Variants in MARS1 observed in about 807,000 individuals in gnomAD.
The protein encoded by MARS1 is methionyl-tRNA synthetase 1.
MARS1 carries 80 observed loss-of-function variants against 119.5 expected under a neutral mutation model. That is an observed-to-expected ratio of 0.67 (90% CI 0.56 to 0.81). The LOEUF (loss-of-function observed/expected upper bound fraction) is 0.81, where lower values mean the gene tolerates loss of function less well. Ranked by LOEUF, MARS1 falls within the 30% of genes least tolerant of loss-of-function variation. The pLI is 0.00. For missense variants in MARS1, 945 were observed against 1,116.5 expected, an observed-to-expected ratio of 0.85 and a Z score of 2.19; for synonymous variants, 418 against 433.4, an observed-to-expected ratio of 0.96 and a Z score of 0.44.
chr12:57,500,896 G>T (rs543578668), intron 10 of MARS1, among the ~76,000 whole-genome samples: 1 of 152,006 alleles, frequency 6.6e-6, no homozygotes, highest in South Asian at 2.1e-4. Context: ...CTTAGAATAG[G>T]CCAATTACAA....
intron 7 of MARS1, among the ~76,000 whole-genome samples, chr12:57,493,595 A>ATATATT (rs1876251706): frequency 4.3e-5 from 1 of 23,090 alleles, no homozygotes; most frequent in Non-Finnish European, 5.9e-5. Flanking sequence ...AATATATTAT[A>ATATATT]ATATATAATA....
intron 7 of MARS1, among the ~76,000 whole-genome samples, chr12:57,493,451 A>T (rs59072876): frequency 1.1e-3 from 1 of 878 alleles, no homozygotes; most frequent in African/African-American, 1.5e-3. Flanking sequence ...CATAATATAT[A>T]ATATATTATA....
intron 7 of MARS1, among the ~76,000 whole-genome samples, chr12:57,492,669 TCACACA>T (rs58931225): frequency 0.018 from 2,541 of 139,470 alleles, 31 homozygotes; most frequent in African/African-American, 0.031. Context: ...CGACTCCATT[TCACACA>T]CACACACACA....
intron 11 of MARS1, 141 bp from the exon 12 acceptor site, chr12:57,511,557 T>G: frequency 2.6e-6 from 2 of 777,878 alleles, no homozygotes; most frequent in Non-Finnish European, 4.2e-6. Context: ...CACTCTAGTC[T>G]GGGCAACAGA....
rs1876407314 is a variant in MARS1, at chr12:57,493,872, ATATATAATATATAATATATATTTATGT to A, written c.770+3242_770+3268del. ...AATATATATATTTATATTATATAAT[ATATATAATATATAATATATATTTATGT>A]TATATAATATATATAATATATATAA... On this transcript the variant is annotated intron_variant, in intron 7 of 20. Coordinates refer to ENST00000262027, the MANE Select transcript of MARS1 (RefSeq NM_004990.4). 5.8e-4 allele frequency among the ~76,000 whole-genome samples: 3 copies of A among 5,172 alleles called. No homozygotes were observed. In the Non-Finnish European group the frequency reaches 0.027, roughly 47 times the overall value. 3.4% of individuals were successfully genotyped at this position (5,172 alleles called of 152,430 possible).
At chr12:57,493,561 AATATATTATAAT>A (rs1565640468) in intron 7 of MARS1, among the ~76,000 whole-genome samples, 20 of 1,878 alleles carry the variant, frequency 0.011, 3 homozygotes, top group Admixed American at 0.036. Context: ...TATAATATAT[AATATATTATAAT>A]ATATAATATA....
intron 1 of MARS1, chr12:57,488,674 A>G (rs1419657508): frequency 3.2e-6 from 5 of 1,546,956 alleles, no homozygotes; most frequent in African/African-American, 1.4e-5. Context: ...AAGTCTTCTC[A>G]GTTCTTTTAA....
intron 7 of MARS1, among the ~76,000 whole-genome samples, chr12:57,494,058 T>C (rs1876446946): frequency 7.0e-6 from 1 of 143,872 alleles, no homozygotes; most frequent in African/African-American, 2.6e-5. Context: ...CAGGTTCAAG[T>C]GATTCTCCTG....
intron 7 of MARS1, among the ~76,000 whole-genome samples, chr12:57,492,060 A>C (rs1339064531): frequency 6.7e-6 from 1 of 149,458 alleles, no homozygotes; most frequent in African/African-American, 2.5e-5. Flanking sequence ...TGGGTGGATC[A>C]TTTGAGTCAG....
At chr12:57,492,027 C>T (rs1052186916) in intron 7 of MARS1, among the ~76,000 whole-genome samples, 1 of 152,050 alleles carries the variant, frequency 6.6e-6, no homozygotes, top group Non-Finnish European at 1.5e-5. Context: ...TGCCTGTAAT[C>T]CTAGCACTTT....
chr12:57,497,294 G>A (rs1466018064), intron 7 of MARS1, among the ~76,000 whole-genome samples: 1 of 152,214 alleles, frequency 6.6e-6, no homozygotes, highest in Admixed American at 6.5e-5. Context: ...ATGGAAATAA[G>A]CTGTAAATGT....
chr12:57,503,878 G>A (rs1390026697), intron 10 of MARS1: 2 of 201,480 alleles, frequency 9.9e-6, no homozygotes, highest in Non-Finnish European at 2.0e-5. Flanking sequence ...TCCCTGACTT[G>A]TAGCTTCCTC....
intron 13 of MARS1, 55 bp downstream of exon 13, chr12:57,512,158 T>A (rs1877553963): frequency 6.2e-7 from 1 of 1,600,436 alleles, no homozygotes; most frequent in African/African-American, 1.3e-5. Context: ...AGGGTGTGGG[T>A]GTTAGGGTTG....
chr12:57,488,158 G>T lies in MARS1; in HGVS notation c.68G>T (p.Arg23Leu), dbSNP rs1247809884. 2.5e-6 allele frequency: 4 copies of T among 1,614,162 alleles called. No individual in the cohort carries two copies. The highest frequency in any genetic ancestry group is 1.7e-5 in the Admixed American group (1 of 60,026). The part of the protein sequence containing the change: ...LPVLAAAGRA[R>L]GRAEVLISTV... ...GTGCTGGCCGCCGCCGGGAGAGCCC[G>T]GGGCAGAGCAGAGGTGCTCATCAGC... The change falls in exon 1 of 21, where the codon CGG (arginine) becomes CTG (leucine). Residue 23 changes from arginine to leucine, a missense_variant. Physicochemically the swap from Arg to Leu is moderately radical, Grantham distance 102. Transcript: ENST00000262027.
intron 7 of MARS1, among the ~76,000 whole-genome samples, chr12:57,491,069 A>G (rs1402154876): frequency 6.6e-6 from 1 of 151,740 alleles, no homozygotes; most frequent in African/African-American, 2.4e-5. Context: ...AGGTTTCACC[A>G]TGTTGCCCAG....
chr12:57,503,474 C>T (rs1420635166), intron 10 of MARS1, among the ~76,000 whole-genome samples: 8 of 151,968 alleles, frequency 5.3e-5, no homozygotes, highest in Admixed American at 1.3e-4. Context: ...CTCAGGTGTT[C>T]CACCTGCCTC....
chr12:57,490,511 G>A, intron 6 of MARS1, 27 bp from the exon 7 acceptor site: 1 of 1,612,928 alleles, frequency 6.2e-7, no homozygotes, highest in South Asian at 1.1e-5. Flanking sequence ...TCCTCACCTG[G>A]TAAGGGATTC....
chr12:57,503,569 C>T (rs1315423764), intron 10 of MARS1, among the ~76,000 whole-genome samples: 1 of 148,002 alleles, frequency 6.8e-6, no homozygotes, highest in Non-Finnish European at 1.5e-5. Context: ...TTTTTTGAGA[C>T]AGAGTCTGCT....
intron 7 of MARS1, among the ~76,000 whole-genome samples, chr12:57,492,452 C>T (rs983923876): frequency 4.0e-5 from 6 of 151,616 alleles, no homozygotes; most frequent in African/African-American, 1.5e-4. Context: ...GGCAGATCAC[C>T]TGAGATCAGC....
Sources: gnomAD v4.1 joint callset for allele counts (sites outside exome capture counted in the v4.1 genomes callset) on GRCh38, gnomAD v4.1.1 for gene constraint, MANE v1.5 for transcripts, NCBI Gene and HGNC (gene_info 2026-07-23, HGNC 2026-07-21) for gene names.